The following PZP variants were observed in gnomAD, a reference collection of about 807,000 sequenced individuals.
PZP encodes the protein pregnancy zone protein.
A neutral mutation model predicts 179.8 loss-of-function variants in PZP; 150 were observed. That is an observed-to-expected ratio of 0.83 (90% CI 0.73 to 0.96). The LOEUF is 0.96. Among genes scored for constraint, PZP ranks in the 40% least tolerant of loss-of-function variants. The probability of loss-of-function intolerance (pLI) is 0.00; values close to 1 mark genes in which losing one functional copy is unlikely to be tolerated. For synonymous variants in PZP, 624 were observed against 652.3 expected (o/e 0.96, Z 0.66); for missense variants, 1,689 against 1,764.0 (o/e 0.96, Z 0.76).
intron 7 of PZP, among the ~76,000 whole-genome samples, chr12:9,197,437 T>C (rs1267018108): frequency 7.4e-6 from 1 of 135,980 alleles, no homozygotes; most frequent in East Asian, 2.0e-4. Context: ...TATTAATTAT[T>C]GGAGTACTGC....
At chr12:9,192,874 CAAAT>C (rs1347726353) in intron 11 of PZP, 135 bp from the exon 12 acceptor site, 11 of 556,820 alleles carry the variant, frequency 2.0e-5, no homozygotes, top group Non-Finnish European at 2.8e-5. Flanking sequence ...GGTCGACAGC[CAAAT>C]AAATGAATTT....
Position 9,157,133 on chromosome 12 carries a change from A to C in PZP, c.3550+42T>G, listed in dbSNP as rs772840489. ...GTGTGCTGTTCCCCTCCCTGTGTCT[A>C]TGTGTTCTCATTGTTCAGCTCCCAC... On this transcript the variant is annotated intron_variant, in intron 28 of 35. Transcript: ENST00000261336. 4.4e-6 allele frequency: 7 copies of C among 1,574,688 alleles called. No individual in the cohort carries two copies. The East Asian group carries it at 9.0e-5, about 20-fold the overall frequency.
At chr12:9,165,698 A>G (rs1565634071) in intron 18 of PZP, among the ~76,000 whole-genome samples, 1 of 152,240 alleles carries the variant, frequency 6.6e-6, no homozygotes, top group South Asian at 2.1e-4. Flanking sequence ...AATCATGACC[A>G]ACAATTAGAC....
chr12:9,203,642 CT>C, intron 2 of PZP, 125 bp downstream of exon 2: 1 of 1,174,722 alleles, frequency 8.5e-7, no homozygotes, highest in East Asian at 2.5e-5. Context: ...CACCTGGCCC[CT>C]GAAGTCCTAA....
chr12:9,165,323 A>G lies in PZP; in HGVS notation c.2303T>C (p.Ile768Thr), dbSNP rs758643781. ...AEVGVTVPDT[I>T]TEWKAGAFCL... is the part of the protein sequence containing the mutation. Reference sequence around the variant, plus strand: ...GAAGGCCCCTGCCTTCCACTCGGTGATGGTGTCAGGGACTGTTACTCCTAC... The same window carrying G: ...GAAGGCCCCTGCCTTCCACTCGGTGGTGGTGTCAGGGACTGTTACTCCTAC... Residue 768 changes from isoleucine (I) to threonine (T), a missense_variant, in exon 19 of 36, where the codon ATC becomes ACC. By Grantham distance (89) the Ile-to-Thr change is moderately conservative. Transcript: ENST00000261336. 2 of 1,614,152 alleles carry G rather than the reference A, an allele frequency of 1.2e-6. No individual in the cohort carries two copies. The highest frequency in any genetic ancestry group is 1.3e-5 in the African/African-American group (1 of 75,032).
In PZP at chr12:9,203,928, G is replaced by A. The variant is rs201891255; in HGVS notation, c.107C>T (p.Ser36Phe). 24 of 1,613,884 alleles carry A rather than the reference G, an allele frequency of 1.5e-5. No homozygotes were observed. In the African/African-American group the frequency reaches 3.1e-4, roughly 21 times the overall value. The change falls in exon 2 of 36, where the codon TCC becomes TTC. Residue 36 changes from serine (S) to phenylalanine (F), a missense_variant. Physicochemically the swap from Ser to Phe is radical, Grantham distance 155. Around this residue, in one of 3 missense-constraint regions of PZP, gnomAD observed 742 missense variants for 730.5 expected, o/e 1.02. Coordinates refer to ENST00000261336, the MANE Select transcript of PZP (RefSeq NM_002864.3). ...TEPQYMVLVP[S>F]LLHTEAPKKG... ...CTTAGGGGCCTCAGTGTGGAGCAGG[G>A]AGGGGACCAGCACCATATACTGCCT...
chr12:9,161,188 G>A, intron 22 of PZP, 72 bp from the exon 23 acceptor site: 2 of 1,282,398 alleles, frequency 1.6e-6, no homozygotes, highest in Non-Finnish European at 2.2e-6. Flanking sequence ...TTATAATGTA[G>A]TGAGAGCTTC....
chr12:9,201,233 T>A (rs1410548147), intron 5 of PZP, 94 bp downstream of exon 5: 1 of 1,333,396 alleles, frequency 7.5e-7, no homozygotes, highest in African/African-American at 1.5e-5. Context: ...GATCTGAAAA[T>A]TTTTAAAGTA....
At chr12:9,157,427 G>T in intron 27 of PZP, 72 bp from the exon 28 acceptor site, 2 of 1,387,166 alleles carry the variant, frequency 1.4e-6, no homozygotes, top group Non-Finnish European at 2.0e-6. Flanking sequence ...GCTGGATATT[G>T]ACAGTCAGAT....
intron 7 of PZP, among the ~76,000 whole-genome samples, chr12:9,198,477 CATA>C (rs1212388894): frequency 6.6e-6 from 1 of 152,072 alleles, no homozygotes; most frequent in Non-Finnish European, 1.5e-5. Context: ...AAAATAAGTA[CATA>C]ATAACTAAGC....
At chr12:9,150,386 G>C (rs757053786) in intron 34 of PZP, among the ~76,000 whole-genome samples, 1 of 152,100 alleles carries the variant, frequency 6.6e-6, no homozygotes, top group Non-Finnish European at 1.5e-5. Context: ...AGGCTTACAC[G>C]ATTCTCCTGC....
intron 1 of PZP, among the ~76,000 whole-genome samples, chr12:9,204,538 G>A (rs970335523): frequency 6.6e-6 from 1 of 152,088 alleles, no homozygotes; most frequent in African/African-American, 2.4e-5. Context: ...AGTATTTGCT[G>A]TTTCTCTTAG....
At position 9,196,335 on chromosome 12, in the gene PZP, C is replaced by G; in HGVS notation, c.1087G>C (p.Ala363Pro). The change falls in exon 10 of 36, where the codon GCA becomes CCA. Residue 363 changes from alanine (A) to proline (P), a missense_variant. Transcript: ENST00000261336. ...SHFRQGIPFF[A>P]QVLLVDGKGV... ...TGCATTACAACATATCTTACCTGTG[C>G]AAAAAAGGGGATTCCTTGTCTAAAG... 2 of 1,604,686 alleles carry G rather than the reference C, an allele frequency of 1.2e-6. No homozygotes were observed. The highest frequency in any genetic ancestry group is 1.7e-6 in the Non-Finnish European group (2 of 1,171,898).
At chr12:9,203,563 G>C (rs7298621) in intron 2 of PZP, among the ~76,000 whole-genome samples, 5 of 151,826 alleles carry the variant, frequency 3.3e-5, no homozygotes, top group African/African-American at 7.3e-5. Context: ...GGATGGTCTC[G>C]ATCTCCTGAC....
In PZP at chr12:9,202,239, T is replaced by C. The variant is rs574213771; in HGVS notation, c.480+80A>G. The stretch of plus-strand genomic sequence containing the variant: ...AACAAGTGTCTTTCATCCTCTCGCT[T>C]TTCTTGTACCTTTCTACCTCACTCT... On this transcript the variant is annotated intron_variant, in intron 4 of 35. Coordinates refer to ENST00000261336, the MANE Select transcript of PZP (RefSeq NM_002864.3). 1.6e-3 allele frequency: 2,087 copies of C among 1,299,056 alleles called. 4 individuals carry two copies. The highest frequency in any genetic ancestry group is 9.4e-3 in the Middle Eastern group (51 of 5,406). 80.5% of individuals were successfully genotyped at this position (1,299,056 alleles called of 1,614,324 possible).
chr12:9,180,593 C>T (rs1318444988), intron 15 of PZP, among the ~76,000 whole-genome samples: 1 of 152,038 alleles, frequency 6.6e-6, no homozygotes, highest in East Asian at 1.9e-4. Flanking sequence ...AACTGGCTAG[C>T]CATATGTAGA....
intron 30 of PZP, 72 bp from the exon 31 acceptor site, chr12:9,153,023 TCCAGAGG>T: frequency 6.2e-7 from 1 of 1,607,650 alleles, no homozygotes; most frequent in Non-Finnish European, 8.5e-7. Flanking sequence ...ACTTAACGTC[TCCAGAGG>T]TGCCTTTTAC....
chr12:9,154,967 A>G (rs1027541862), intron 28 of PZP, 128 bp from the exon 29 acceptor site: 1 of 969,426 alleles, frequency 1.0e-6, no homozygotes. Flanking sequence ...CTTCTATGTC[A>G]TAAACTCCTA....
chr12:9,154,327 G>A (rs1940582221), intron 29 of PZP, among the ~76,000 whole-genome samples: 1 of 152,150 alleles, frequency 6.6e-6, no homozygotes, highest in Admixed American at 6.5e-5. Context: ...TAGTGTTGAT[G>A]CTGAAAAACT....
Sources: allele counts gnomAD v4.1 joint callset (sites outside exome capture counted in the v4.1 genomes callset), GRCh38; gene constraint gnomAD v4.1.1; regional missense constraint gnomAD v4.1.1; transcripts MANE v1.5; gene names NCBI Gene and HGNC (gene_info 2026-07-23, HGNC 2026-07-21).